TRABD2B: variants seen among roughly 807,000 people sequenced by gnomAD.
TRABD2B encodes the protein TraB domain containing 2B, also known as metalloprotease TIKI2.
TRABD2B carries 14 observed loss-of-function variants against 40.1 expected under a neutral mutation model. The observed-to-expected ratio is 0.35, with a 90% CI of 0.23 to 0.55. The LOEUF (loss-of-function observed/expected upper bound fraction) is 0.55. TRABD2B is among the 20% of genes least tolerant of loss of function. The pLI, the probability that TRABD2B is intolerant of heterozygous loss-of-function variation, is 0.90. For missense variants in TRABD2B, 541 were observed against 648.6 expected (o/e 0.83, Z 1.80); for synonymous variants, 263 against 277.0 (o/e 0.95, Z 0.50).
intron 4 of TRABD2B, among the ~76,000 whole-genome samples, chr1:47,781,254 C>A (rs887257720): frequency 2.0e-5 from 3 of 152,210 alleles, no homozygotes; most frequent in African/African-American, 7.2e-5. Context: ...TGTGCAAAGA[C>A]AAGGCCTCCC....
intron 2 of TRABD2B, among the ~76,000 whole-genome samples, chr1:47,934,398 A>C (rs970760781): frequency 5.3e-5 from 8 of 152,230 alleles, no homozygotes; most frequent in African/African-American, 1.9e-4. Context: ...CTAGCTGGTA[A>C]GGCGCATTCT....
At chr1:47,873,370 T>G (rs1644172345) in intron 2 of TRABD2B, among the ~76,000 whole-genome samples, 1 of 152,200 alleles carries the variant, frequency 6.6e-6, no homozygotes, top group Non-Finnish European at 1.5e-5. Context: ...GTCCACAATG[T>G]TGATGTCAGG....
At chr1:47,976,576 A>G (rs980372274) in intron 2 of TRABD2B, among the ~76,000 whole-genome samples, 1 of 152,218 alleles carries the variant, frequency 6.6e-6, no homozygotes, top group Non-Finnish European at 1.5e-5. Context: ...CAATACGTAA[A>G]ATGTATAGAA....
intron 2 of TRABD2B, among the ~76,000 whole-genome samples, chr1:47,816,098 TGG>T (rs1354393142): frequency 6.6e-6 from 1 of 152,192 alleles, no homozygotes; most frequent in Admixed American, 6.5e-5. Flanking sequence ...TGATCTGGTC[TGG>T]CTGTTTTTGT....
chr1:47,874,839 C>T (rs571629720), intron 2 of TRABD2B, among the ~76,000 whole-genome samples: 2 of 151,850 alleles, frequency 1.3e-5, no homozygotes, highest in African/African-American at 2.4e-5. Context: ...CTGCCACAGC[C>T]TCCCAAGTGC....
chr1:47,888,524 C>G (rs1644403712), intron 2 of TRABD2B, among the ~76,000 whole-genome samples: 1 of 152,200 alleles, frequency 6.6e-6, no homozygotes, highest in East Asian at 1.9e-4. Context: ...CCATCGCTAC[C>G]TCCTGTCCCT....
At chr1:47,772,360 C>T (rs939287517) in intron 6 of TRABD2B, among the ~76,000 whole-genome samples, 24 of 151,536 alleles carry the variant, frequency 1.6e-4, no homozygotes, top group African/African-American at 4.6e-4. Context: ...GGAGGTGGGA[C>T]GGGGCACCTC....
chr1:47,828,509 G>A (rs1645207094), intron 2 of TRABD2B, among the ~76,000 whole-genome samples: 1 of 152,192 alleles, frequency 6.6e-6, no homozygotes. Context: ...AGCCTTTGAG[G>A]AACATATGAC....
At chr1:47,989,634 C>G (rs1359828609) in intron 2 of TRABD2B, among the ~76,000 whole-genome samples, 1 of 152,096 alleles carries the variant, frequency 6.6e-6, no homozygotes, top group African/African-American at 2.4e-5. Context: ...TTGAGAACTC[C>G]TATTTTAGAA....
intron 3 of TRABD2B, among the ~76,000 whole-genome samples, chr1:47,797,750 T>C (rs1165664628): frequency 6.6e-6 from 1 of 152,124 alleles, no homozygotes; most frequent in Non-Finnish European, 1.5e-5. Context: ...TGGAAGCAAA[T>C]TAATGATGTC....
At chr1:47,938,830 T>G (rs1397889085) in intron 2 of TRABD2B, among the ~76,000 whole-genome samples, 1 of 152,188 alleles carries the variant, frequency 6.6e-6, no homozygotes, top group South Asian at 2.1e-4. Flanking sequence ...TCATTTCTTC[T>G]GGAAGCAGGG....
intron 2 of TRABD2B, among the ~76,000 whole-genome samples, chr1:47,893,271 T>G (rs944689120): frequency 5.9e-5 from 9 of 152,158 alleles, no homozygotes; most frequent in African/African-American, 2.2e-4. Context: ...CTGATTTGCT[T>G]CCTAAAAGTG....
At chr1:47,786,049 T>A (rs1176150928) in intron 4 of TRABD2B, among the ~76,000 whole-genome samples, 2 of 152,180 alleles carry the variant, frequency 1.3e-5, no homozygotes, top group Non-Finnish European at 2.9e-5. Context: ...CCAGGGACCC[T>A]GAAATAATGG....
intron 2 of TRABD2B, among the ~76,000 whole-genome samples, chr1:47,990,754 G>T (rs1645989273): frequency 9.7e-6 from 1 of 103,422 alleles, no homozygotes; most frequent in Non-Finnish European, 1.9e-5. Context: ...CAAGTTGTTG[G>T]TTTTAAAACG....
chr1:47,776,201 T>C (rs148669512), intron 5 of TRABD2B, among the ~76,000 whole-genome samples: 7 of 152,244 alleles, frequency 4.6e-5, no homozygotes, highest in African/African-American at 1.4e-4. Context: ...CTTCCATTCA[T>C]ACATTCAATA....
intron 2 of TRABD2B, among the ~76,000 whole-genome samples, chr1:47,888,475 A>AGC (rs1389113760): frequency 6.6e-6 from 1 of 152,104 alleles, no homozygotes; most frequent in Non-Finnish European, 1.5e-5. Context: ...AGAGAGGAGG[A>AGC]GCCTGTGGTC....
chr1:47,792,261 G>A (rs1026838047), intron 4 of TRABD2B, among the ~76,000 whole-genome samples: 4 of 152,214 alleles, frequency 2.6e-5, no homozygotes, highest in South Asian at 2.1e-4. Flanking sequence ...CCTGGTCAAC[G>A]TTCATTTCTT....
At chr1:47,822,590 GTC>G (rs1645125761) in intron 2 of TRABD2B, among the ~76,000 whole-genome samples, 1 of 151,354 alleles carries the variant, frequency 6.6e-6, no homozygotes, top group South Asian at 2.1e-4. Flanking sequence ...AAAATGGGAT[GTC>G]TTTCTTGCAG....
chr1:47,778,353 A>C (rs994493393), intron 5 of TRABD2B, 101 bp downstream of exon 5: 2 of 836,514 alleles, frequency 2.4e-6, no homozygotes, highest in Non-Finnish European at 1.9e-6. Context: ...CCTGGTAGAG[A>C]CCTGCCTCTG....
Sources: allele counts gnomAD v4.1 joint callset (sites outside exome capture counted in the v4.1 genomes callset), GRCh38; gene constraint gnomAD v4.1.1; transcripts MANE v1.5; gene names NCBI Gene and HGNC (gene_info 2026-07-23, HGNC 2026-07-21).